The following OTOGL variants were observed in gnomAD, a reference collection of about 807,000 sequenced individuals.
OTOGL encodes the protein otogelin like, also known as otogelin-like protein.
OTOGL carries 285 observed loss-of-function variants against 318.5 expected under a neutral mutation model. The observed-to-expected ratio is 0.89, with a 90% CI of 0.81 to 0.99. The LOEUF (loss-of-function observed/expected upper bound fraction) is 0.99. Among genes scored for constraint, OTOGL ranks in the 50% least tolerant of loss-of-function variants. The probability of loss-of-function intolerance (pLI) is 0.00; values close to 1 mark genes in which losing one functional copy is unlikely to be tolerated. For missense variants in OTOGL, 2,899 were observed against 2,845.6 expected, an observed-to-expected ratio of 1.02 and a Z score of -0.43; for synonymous variants, 987 against 936.5, an observed-to-expected ratio of 1.05 and a Z score of -0.99.
chr12:80,380,098 G>C lies in OTOGL; in HGVS notation c.*2050G>C, dbSNP rs1422310690. The C allele has an allele frequency of 2.0e-5, 3 of 151,996 alleles. No individual in the cohort carries two copies. Among genetic ancestry groups the C allele is most frequent in the Non-Finnish European group, 2.9e-5 (2 of 67,918 alleles). The allele number at this position is 151,996 out of a possible 1,614,324, so 9.4% of individuals were successfully genotyped here. On this transcript the variant is annotated 3_prime_UTR_variant, in exon 59 of 59. Coordinates refer to ENST00000547103, the MANE Select transcript of OTOGL (RefSeq NM_001378609.3). ...TGGTTACGTAGATAAAGAAAAATTT[G>C]AATTCATACATCCATTGACATTAGG...
intron 1 of OTOGL, among the ~76,000 whole-genome samples, chr12:80,152,121 A>G (rs920733319): frequency 1.3e-5 from 2 of 152,032 alleles, no homozygotes; most frequent in Non-Finnish European, 2.9e-5. Context: ...GAGAAATTAG[A>G]CTGGTGTCTC....
chr12:80,189,305 C>A, intron 1 of OTOGL: 1 of 463,192 alleles, frequency 2.2e-6, no homozygotes, highest in Non-Finnish European at 2.8e-6. Flanking sequence ...TAATCTTTTA[C>A]TCAACATTGT....
At chr12:80,335,850 A>T in intron 38 of OTOGL, 113 bp from the exon 39 acceptor site, 1 of 953,626 alleles carries the variant, frequency 1.0e-6, no homozygotes, top group Non-Finnish European at 1.4e-6. Context: ...ATCTTTCAAA[A>T]GTTTTTGTAT....
chr12:80,124,656 C>T (rs1305886090), intron 1 of OTOGL, among the ~76,000 whole-genome samples: 5 of 152,178 alleles, frequency 3.3e-5, no homozygotes, highest in African/African-American at 1.2e-4. Context: ...GATATTGATT[C>T]TCCCTACCCA....
At chr12:80,356,328 T>C in intron 47 of OTOGL, 88 bp from the exon 48 acceptor site, 1 of 971,178 alleles carries the variant, frequency 1.0e-6, no homozygotes, top group Non-Finnish European at 1.6e-6. Context: ...TTGAGTTTCC[T>C]GTCTTGAGTT....
In OTOGL at chr12:80,297,099, T is replaced by C. The variant is rs527566719; in HGVS notation, c.3063+138T>C. 42 of 753,122 alleles carry C rather than the reference T, an allele frequency of 5.6e-5. No homozygotes were observed. The African/African-American group carries it at 6.0e-4, about 11-fold the overall frequency. 46.7% of individuals were successfully genotyped at this position (753,122 alleles called of 1,614,324 possible). On this transcript the variant is annotated intron_variant, in intron 27 of 58. Coordinates refer to ENST00000547103, the MANE Select transcript of OTOGL (RefSeq NM_001378609.3). Reference sequence around the variant, plus strand: ...TGTTTTGTTTTCATTTTGCGTGGCTTCAGTACATTGTGCTTGACTTCTCTC... The same window carrying C: ...TGTTTTGTTTTCATTTTGCGTGGCTCCAGTACATTGTGCTTGACTTCTCTC...
intron 44 of OTOGL, among the ~76,000 whole-genome samples, chr12:80,344,004 G>A (rs1889004831): frequency 6.6e-6 from 1 of 152,210 alleles, no homozygotes. Context: ...GGAGCTCACT[G>A]TGAATGACTT....
At chr12:80,296,064 A>G (rs1885373131) in intron 26 of OTOGL, among the ~76,000 whole-genome samples, 1 of 152,156 alleles carries the variant, frequency 6.6e-6, no homozygotes, top group Non-Finnish European at 1.5e-5. Flanking sequence ...GAGTAGAGAG[A>G]CTAAATAGTG....
At position 80,368,250 on chromosome 12, in the gene OTOGL, A is replaced by G; in HGVS notation, c.6556A>G (p.Thr2186Ala). 6.2e-7 allele frequency: 1 copy of G among 1,604,270 alleles called. No homozygotes were observed. Among genetic ancestry groups the G allele is most frequent in the Non-Finnish European group, 8.5e-7 (1 of 1,174,494 alleles). The change falls in exon 55 of 59, where the codon ACC becomes GCC. Residue 2186 changes from threonine (T) to alanine (A), a missense_variant. Transcript: ENST00000547103. The stretch of plus-strand genomic sequence containing the variant: ...CCCAAGTGATTATGGTTGTTGTGGT[A>G]CCTGCAAAAATGTATCCTGCAAATT... ...PSPSDYGCCG[T>A]CKNVSCKFHM...
chr12:80,208,654 A>G (rs1435771207), intron 1 of OTOGL, among the ~76,000 whole-genome samples: 1 of 152,232 alleles, frequency 6.6e-6, no homozygotes, highest in East Asian at 1.9e-4. Flanking sequence ...TTGCTGAAGT[A>G]ATAAGTCTGT....
intron 35 of OTOGL, among the ~76,000 whole-genome samples, chr12:80,325,605 G>C (rs761826604): frequency 2.4e-4 from 36 of 152,294 alleles, no homozygotes; most frequent in Admixed American, 8.5e-4. Flanking sequence ...TGATATTACT[G>C]TTTAGTGTCT....
chr12:80,211,762 C>G (rs1451056213), intron 3 of OTOGL, among the ~76,000 whole-genome samples, 187 bp from the exon 4 acceptor site: 1 of 152,082 alleles, frequency 6.6e-6, no homozygotes, highest in African/African-American at 2.4e-5. Flanking sequence ...TAAAATGAGA[C>G]AGCACCACCA....
chr12:80,265,074 G>A lies in OTOGL; in HGVS notation c.2088G>A (p.Gly696=). The change falls in exon 20 of 59, where the codon GGG becomes GGA. Residue 696 remains glycine, a synonymous_variant. Transcript: ENST00000547103. ...FAPCHIYISP[G]LYYQLCRHDA... ...CTTGCCACATCTATATTAGCCCTGGGCTGTACTATCAGCTATGCCGCCACG... is the reference window on the plus strand; with the variant it reads ...CTTGCCACATCTATATTAGCCCTGGACTGTACTATCAGCTATGCCGCCACG... The A allele has an allele frequency of 1.2e-6, 2 of 1,613,876 alleles. No homozygotes were observed. Among genetic ancestry groups the A allele is most frequent in the Non-Finnish European group, 1.7e-6 (2 of 1,179,854 alleles).
chr12:80,152,094 A>G (rs913266581), intron 1 of OTOGL, among the ~76,000 whole-genome samples: 6 of 152,284 alleles, frequency 3.9e-5, no homozygotes, highest in Admixed American at 1.3e-4. Flanking sequence ...GTCATCTGGC[A>G]CTATCAGCAA....
intron 1 of OTOGL, among the ~76,000 whole-genome samples, chr12:80,171,214 C>G (rs1248416632): frequency 1.3e-5 from 2 of 152,030 alleles, no homozygotes; most frequent in African/African-American, 2.4e-5. Flanking sequence ...ATGGGACTTA[C>G]AAGAATGCAC....
At chr12:80,218,152 T>A (rs940252321) in intron 5 of OTOGL, among the ~76,000 whole-genome samples, 1 of 152,204 alleles carries the variant, frequency 6.6e-6, no homozygotes. Flanking sequence ...AATACATTTG[T>A]TTATCTAAAT....
At chr12:80,295,157 C>CTTTTTT (rs66786755) in intron 26 of OTOGL, among the ~76,000 whole-genome samples, 5,534 of 98,604 alleles carry the variant, frequency 0.056, 655 homozygotes, top group African/African-American at 0.15. Context: ...GATTGCCGAA[C>CTTTTTT]TTTTTTTTTT....
intron 52 of OTOGL, among the ~76,000 whole-genome samples, chr12:80,361,491 A>T (rs955551701): frequency 6.6e-6 from 1 of 152,194 alleles, no homozygotes; most frequent in Middle Eastern, 3.2e-3. Context: ...TCTTTTGGAT[A>T]TATACCCAGT....
At chr12:80,248,346 T>G (rs1261834161) in intron 11 of OTOGL, among the ~76,000 whole-genome samples, 7 of 145,842 alleles carry the variant, frequency 4.8e-5, no homozygotes, top group East Asian at 4.0e-4. Context: ...AGGAGCTCTT[T>G]TAGGGCAGGC....
Sources: allele counts gnomAD v4.1 joint callset (sites outside exome capture counted in the v4.1 genomes callset), GRCh38; gene constraint gnomAD v4.1.1; transcripts MANE v1.5; gene names NCBI Gene and HGNC (gene_info 2026-07-23, HGNC 2026-07-21).